HS1BP3: variants seen among roughly 807,000 people sequenced by gnomAD.
HS1BP3 encodes HCLS1 binding protein 3, also known as HCLS1-binding protein 3.
A neutral mutation model predicts 33.5 loss-of-function variants in HS1BP3; 32 were observed. That is an observed-to-expected ratio of 0.95 (90% confidence interval 0.72 to 1.28). The LOEUF (loss-of-function observed/expected upper bound fraction) is 1.28, where lower values mean the gene tolerates loss of function less well. HS1BP3 is among the 50% of genes most tolerant of loss of function. HS1BP3 has a pLI of 0.00. For synonymous variants in HS1BP3, 187 were observed against 209.2 expected (o/e 0.89, Z 0.92); for missense variants, 486 against 502.3 (o/e 0.97, Z 0.31).
intron 1 of HS1BP3, among the ~76,000 whole-genome samples, chr2:20,650,110 C>T (rs564306993): frequency 1.3e-5 from 2 of 152,262 alleles, no homozygotes; most frequent in South Asian, 2.1e-4. Flanking sequence ...AAGCAGCCTC[C>T]GACATCAGGG....
chr2:20,649,333 T>C (rs539899259), intron 1 of HS1BP3, among the ~76,000 whole-genome samples: 2 of 152,356 alleles, frequency 1.3e-5, no homozygotes, highest in East Asian at 3.9e-4. Flanking sequence ...AAGATTTCTT[T>C]TTCATGGCTC....
At chr2:20,584,154 G>A (rs1163126534) in intron 5 of HS1BP3, among the ~76,000 whole-genome samples, 1 of 152,194 alleles carries the variant, frequency 6.6e-6, no homozygotes, top group Non-Finnish European at 1.5e-5. Flanking sequence ...TGTAGGCTGG[G>A]CCAGGTGGGG....
intron 2 of HS1BP3, among the ~76,000 whole-genome samples, chr2:20,602,264 C>T (rs996495799): frequency 1.3e-5 from 2 of 151,904 alleles, no homozygotes; most frequent in Non-Finnish European, 2.9e-5. Context: ...AACGTCTCTT[C>T]TAAACTACAG....
chr2:20,624,135 C>T, intron 5 of HS1BP3, 104 bp from the exon 6 acceptor site: 1 of 1,331,106 alleles, frequency 7.5e-7, no homozygotes, highest in Non-Finnish European at 1.0e-6. Context: ...GGCAGTCCTA[C>T]AGGAATTGAT....
At chr2:20,568,623 C>G (rs73919903) in intron 5 of HS1BP3, among the ~76,000 whole-genome samples, 4,311 of 152,262 alleles carry the variant, frequency 0.028, 186 homozygotes, top group African/African-American at 0.096. Flanking sequence ...CATGGCCCAG[C>G]CATGCTGACA....
intron 5 of HS1BP3, chr2:20,586,184 T>C (rs1407384676): frequency 1.3e-5 from 2 of 152,248 alleles, no homozygotes; most frequent in Admixed American, 6.5e-5. Context: ...TCCTGCCCTT[T>C]GAGGGGGTCT....
At chr2:20,584,186 C>T (rs112265699) in intron 5 of HS1BP3, among the ~76,000 whole-genome samples, 2 of 152,352 alleles carry the variant, frequency 1.3e-5, no homozygotes, top group African/African-American at 4.8e-5. Context: ...TGGAGTTGCA[C>T]CCTTCCTGGT....
chr2:20,599,388 C>T (rs1294892428), intron 2 of HS1BP3, among the ~76,000 whole-genome samples: 1 of 152,216 alleles, frequency 6.6e-6, no homozygotes, highest in African/African-American at 2.4e-5. Flanking sequence ...TGGGCTCGTG[C>T]CCAGTTAGGG....
chr2:20,603,487 A>G (rs1206703622), intron 2 of HS1BP3, among the ~76,000 whole-genome samples: 1 of 152,244 alleles, frequency 6.6e-6, no homozygotes, highest in Non-Finnish European at 1.5e-5. Context: ...AGAATTACCA[A>G]AAATCCACAT....
At chr2:20,633,549 T>C (rs1261256647) in intron 4 of HS1BP3, among the ~76,000 whole-genome samples, 3 of 151,906 alleles carry the variant, frequency 2.0e-5, no homozygotes, top group Admixed American at 6.5e-5. Flanking sequence ...GTTTTTGAGA[T>C]AGAGTCTCAG....
downstream of HS1BP3, among the ~76,000 whole-genome samples, chr2:20,588,896 C>G (rs1027098839): frequency 1.3e-5 from 2 of 152,200 alleles, no homozygotes; most frequent in African/African-American, 4.8e-5. Context: ...TTCTGAGAGC[C>G]TGATTTCCCC....
At chr2:20,645,006 A>G (rs1341494975) in intron 2 of HS1BP3, among the ~76,000 whole-genome samples, 1 of 152,042 alleles carries the variant, frequency 6.6e-6, no homozygotes, top group Non-Finnish European at 1.5e-5. Flanking sequence ...GCTGAGCCCC[A>G]TCTGTTCCTC....
chr2:20,599,796 C>A (rs1039551043), intron 2 of HS1BP3, among the ~76,000 whole-genome samples: 1 of 152,142 alleles, frequency 6.6e-6, no homozygotes, highest in African/African-American at 2.4e-5. Context: ...GATATGCCAG[C>A]ATCAGGTCCA....
intron 3 of HS1BP3, among the ~76,000 whole-genome samples, chr2:20,594,726 G>A (rs1411150733): frequency 6.6e-6 from 1 of 152,218 alleles, no homozygotes; most frequent in African/African-American, 2.4e-5. Flanking sequence ...AGAAATGGCA[G>A]ACATGTATTT....
At chr2:20,608,409 T>C (rs1694245106) in intron 2 of HS1BP3, among the ~76,000 whole-genome samples, 1 of 151,940 alleles carries the variant, frequency 6.6e-6, no homozygotes, top group Non-Finnish European at 1.5e-5. Flanking sequence ...ACCCCGTCTC[T>C]ACTAAAAATA....
intron 2 of HS1BP3, among the ~76,000 whole-genome samples, chr2:20,612,570 G>T (rs1490780836): frequency 6.6e-6 from 1 of 152,114 alleles, no homozygotes; most frequent in African/African-American, 2.4e-5. Flanking sequence ...TACAATACGT[G>T]GTCTTTTGAG....
intron 5 of HS1BP3, 36 bp downstream of exon 5, chr2:20,624,696 G>C: frequency 6.5e-7 from 1 of 1,547,706 alleles, no homozygotes; most frequent in Non-Finnish European, 8.7e-7. Flanking sequence ...TGGGCACCGA[G>C]AGGACACCAG....
At chr2:20,566,669 C>T (rs1039819764) in intron 5 of HS1BP3, among the ~76,000 whole-genome samples, 6 of 151,390 alleles carry the variant, frequency 4.0e-5, no homozygotes, top group Non-Finnish European at 7.4e-5. Flanking sequence ...TGCAATGGCG[C>T]GATCTCAGCT....
chr2:20,610,381 C>T (rs1694294940), intron 2 of HS1BP3, among the ~76,000 whole-genome samples: 1 of 152,168 alleles, frequency 6.6e-6, no homozygotes, highest in East Asian at 1.9e-4. Flanking sequence ...TCCCTCTCTT[C>T]CCCTTGAACC....
Sources: gnomAD v4.1 joint callset for allele counts (sites outside exome capture counted in the v4.1 genomes callset) on GRCh38, gnomAD v4.1.1 for gene constraint, MANE v1.5 for transcripts, NCBI Gene and HGNC (gene_info 2026-07-23, HGNC 2026-07-21) for gene names.